Variants in NALF1 observed in about 807,000 individuals in gnomAD.
NALF1 encodes family with sequence similarity 155 member A.
Under a neutral mutation model 48.4 loss-of-function variants are expected in NALF1, and 3 were observed. The observed-to-expected ratio is 0.06, with a 90% CI of 0.03 to 0.16. The LOEUF is 0.16. Among genes scored for constraint, NALF1 ranks in the 10% least tolerant of loss-of-function variants. NALF1 has a pLI of 1.00. For synonymous variants in NALF1, 262 were observed against 245.7 expected, an observed-to-expected ratio of 1.07 and a Z score of -0.62; for missense variants, 526 against 571.5, an observed-to-expected ratio of 0.92 and a Z score of 0.81.
rs1594124657 is a variant in NALF1, at chr13:107,551,997, ATCT to A, written c.915+313682_915+313684del. Among the ~76,000 whole-genome samples, 6 of 152,180 alleles carry A rather than the reference ATCT, an allele frequency of 3.9e-5. No individual in the cohort carries two copies. In the East Asian group the frequency reaches 9.6e-4, roughly 24 times the overall value. On this transcript the variant is annotated intron_variant, in intron 1 of 2. Coordinates refer to ENST00000375915, the MANE Select transcript of NALF1 (RefSeq NM_001080396.3). The stretch of plus-strand genomic sequence containing the variant: ...ATTATGCTGTTAAAGGTTAATAAAC[ATCT>A]TCTTCAAAGTGTCAAGAAGTAAAAA...
chr13:107,174,068 G>A (rs1878860746), intron 2 of NALF1, among the ~76,000 whole-genome samples: 1 of 151,974 alleles, frequency 6.6e-6, no homozygotes, highest in Non-Finnish European at 1.5e-5. Flanking sequence ...CTTATTTTAT[G>A]GTTACCATGT....
At chr13:107,801,852 C>A (rs868239004) in intron 1 of NALF1, among the ~76,000 whole-genome samples, 4,213 of 152,222 alleles carry the variant, frequency 0.028, 214 homozygotes, top group African/African-American at 0.097. Flanking sequence ...CTTTCCTCTT[C>A]GCACAGCCAG....
chr13:107,213,383 T>A (rs1428435429), intron 1 of NALF1, among the ~76,000 whole-genome samples: 1 of 152,148 alleles, frequency 6.6e-6, no homozygotes, highest in Non-Finnish European at 1.5e-5. Context: ...TACACTGAGC[T>A]ATGACGACCT....
At chr13:107,337,172 G>T (rs1171819511) in intron 1 of NALF1, among the ~76,000 whole-genome samples, 2 of 151,602 alleles carry the variant, frequency 1.3e-5, no homozygotes, top group Non-Finnish European at 2.9e-5. Flanking sequence ...TGTTCTGTTG[G>T]ATCAGAAAGC....
intron 1 of NALF1, among the ~76,000 whole-genome samples, chr13:107,676,668 A>G (rs1020227501): frequency 6.6e-6 from 1 of 150,662 alleles, no homozygotes; most frequent in Non-Finnish European, 1.5e-5. Flanking sequence ...AATTCTAGCT[A>G]CAATTTACAG....
intron 1 of NALF1, among the ~76,000 whole-genome samples, chr13:107,496,474 G>T (rs1875338367): frequency 6.6e-6 from 1 of 152,126 alleles, no homozygotes; most frequent in African/African-American, 2.4e-5. Flanking sequence ...CCTCACACTG[G>T]ACTGACATCT....
intron 1 of NALF1, among the ~76,000 whole-genome samples, chr13:107,642,826 T>C (rs1051362219): frequency 2.0e-5 from 3 of 152,234 alleles, no homozygotes; most frequent in Admixed American, 1.3e-4. Context: ...TTATGTTGTA[T>C]GTGCTCATGC....
chr13:107,795,592 A>C (rs934501580), intron 1 of NALF1, among the ~76,000 whole-genome samples: 2 of 152,200 alleles, frequency 1.3e-5, no homozygotes, highest in African/African-American at 4.8e-5. Flanking sequence ...AGAAGGTAGA[A>C]GGCTTTGTTC....
intron 1 of NALF1, among the ~76,000 whole-genome samples, chr13:107,862,802 T>C (rs1461475764): frequency 1.3e-5 from 2 of 151,880 alleles, no homozygotes; most frequent in African/African-American, 4.8e-5. Flanking sequence ...TGAAATTTAA[T>C]TTATTCTTAT....
At chr13:107,806,213 T>C (rs997886844) in intron 1 of NALF1, among the ~76,000 whole-genome samples, 5 of 152,190 alleles carry the variant, frequency 3.3e-5, no homozygotes, top group Admixed American at 6.6e-5. Flanking sequence ...TTCTGTTGCC[T>C]ACAGTTTTAA....
At chr13:107,778,764 C>A (rs1204723467) in intron 1 of NALF1, among the ~76,000 whole-genome samples, 1 of 152,130 alleles carries the variant, frequency 6.6e-6, no homozygotes, top group Non-Finnish European at 1.5e-5. Flanking sequence ...AACCCTCTTT[C>A]TTCCCTCCCC....
intron 1 of NALF1, among the ~76,000 whole-genome samples, chr13:107,712,842 A>C (rs2138520675): frequency 6.6e-6 from 1 of 152,306 alleles, no homozygotes; most frequent in Admixed American, 6.5e-5. Context: ...TGATTCCCTA[A>C]ATTCAAAAGA....
intron 1 of NALF1, among the ~76,000 whole-genome samples, chr13:107,569,975 T>TA (rs568636331): frequency 3.3e-3 from 495 of 152,104 alleles, no homozygotes; most frequent in Non-Finnish European, 4.7e-3. Flanking sequence ...GTATTTTTTT[T>TA]AAAAAAAATC....
At chr13:107,695,018 C>A (rs1255678082) in intron 1 of NALF1, among the ~76,000 whole-genome samples, 1 of 152,070 alleles carries the variant, frequency 6.6e-6, no homozygotes, top group Non-Finnish European at 1.5e-5. Flanking sequence ...GTCTCAAACT[C>A]CTGGCTTCAA....
chr13:107,712,823 G>C (rs74112580), intron 1 of NALF1, among the ~76,000 whole-genome samples: 3,507 of 152,296 alleles, frequency 0.023, 87 homozygotes, highest in African/African-American at 0.067. Flanking sequence ...CATAACAGCT[G>C]CAGTGGTTTG....
chr13:107,279,496 TC>T (rs1701014655), intron 1 of NALF1, among the ~76,000 whole-genome samples: 1 of 152,180 alleles, frequency 6.6e-6, no homozygotes, highest in Non-Finnish European at 1.5e-5. Context: ...CCTCAGATGA[TC>T]TGCTCGCCTC....
chr13:107,376,508 G>A (rs1883342995), intron 1 of NALF1, among the ~76,000 whole-genome samples: 1 of 152,162 alleles, frequency 6.6e-6, no homozygotes, highest in African/African-American at 2.4e-5. Flanking sequence ...TAAACTCAAT[G>A]AGTAACTGCT....
chr13:107,601,840 T>C (rs551886384), intron 1 of NALF1, among the ~76,000 whole-genome samples: 117 of 151,780 alleles, frequency 7.7e-4, no homozygotes, highest in Non-Finnish European at 1.4e-3. Flanking sequence ...AAAAAAAAAA[T>C]GCTGTTACTT....
chr13:107,684,741 A>G (rs967349699), intron 1 of NALF1, among the ~76,000 whole-genome samples: 2 of 152,222 alleles, frequency 1.3e-5, no homozygotes, highest in Non-Finnish European at 2.9e-5. Context: ...AACAATGAGG[A>G]ATTTTGGGAA....
Sources: gnomAD v4.1 joint callset for allele counts (sites outside exome capture counted in the v4.1 genomes callset) on GRCh38, gnomAD v4.1.1 for gene constraint, MANE v1.5 for transcripts, NCBI Gene and HGNC (gene_info 2026-07-23, HGNC 2026-07-21) for gene names.